Variants in RAD23B observed in about 807,000 individuals in gnomAD.
The protein encoded by RAD23B is RAD23 nucleotide excision repair protein B, also known as lysine-specific demethylase RAD23B.
In RAD23B, 5 loss-of-function variants were observed where a neutral mutation model predicts 49.1. The ratio of observed to expected loss-of-function variants is 0.10; its 90% CI spans 0.05 to 0.21. The LOEUF (loss-of-function observed/expected upper bound fraction) is 0.21, where lower values mean the gene tolerates loss of function less well. Among genes scored for constraint, RAD23B ranks in the 10% least tolerant of loss-of-function variants. The pLI is 1.00. For synonymous variants in RAD23B, 184 were observed against 165.4 expected, an observed-to-expected ratio of 1.11 and a Z score of -0.86; for missense variants, 356 against 486.7, an observed-to-expected ratio of 0.73 and a Z score of 2.53.
In RAD23B at chr9:107,306,411, A is replaced by T; in HGVS notation, c.261A>T (p.Thr87=). The T allele has an allele frequency of 6.2e-7, 1 of 1,614,174 alleles. No individual in the cohort carries two copies. The highest frequency in any genetic ancestry group is 8.5e-7 in the Non-Finnish European group (1 of 1,180,026). ...CAGTGTCCACACCAGCACCAGCTAC[A>T]ACTCAGCAGTCAGCTCCTGCCAGCA... is the stretch of plus-strand genomic sequence containing the variant. ...PKAVSTPAPA[T]TQQSAPASTT... Residue 87 remains threonine, a synonymous_variant, in exon 4 of 10, where the codon ACA becomes ACT. Coordinates refer to ENST00000358015, the MANE Select transcript of RAD23B (RefSeq NM_002874.5).
Position 107,316,109 on chromosome 9 carries a change from A to T in RAD23B, c.554-2643A>T, listed in dbSNP as rs146292517. On this transcript the variant is annotated intron_variant, in intron 5 of 9. Transcript: ENST00000358015. ...ACTGCAATCTCCGCCTCCGGGGTTC[A>T]AGCAATTCTCCTGCCTCAGCCTCCT... Among the ~76,000 whole-genome samples the T allele has an allele frequency of 5.8e-4, 88 of 151,920 alleles. No homozygotes were observed. The East Asian group carries it at 0.017, about 29-fold the overall frequency.
chr9:107,304,142 T>G (rs1826713534), intron 3 of RAD23B, among the ~76,000 whole-genome samples: 1 of 152,152 alleles, frequency 6.6e-6, no homozygotes, highest in Non-Finnish European at 1.5e-5. Flanking sequence ...AAAAAGCTAT[T>G]AAGATCAAAA....
chr9:107,329,733 G>C lies in RAD23B; in HGVS notation c.*77G>C, dbSNP rs1827273585. 6.2e-6 allele frequency: 6 copies of C among 970,108 alleles called. No homozygotes were observed. Among genetic ancestry groups the C allele is most frequent in the Non-Finnish European group, 9.7e-6 (6 of 617,650 alleles). The allele number at this position is 970,108 out of a possible 1,614,324, so 60.1% of individuals were successfully genotyped here. On this transcript the variant is annotated 3_prime_UTR_variant, in exon 10 of 10. Coordinates refer to ENST00000358015, the MANE Select transcript of RAD23B (RefSeq NM_002874.5). The stretch of plus-strand genomic sequence containing the variant: ...TTCACTGGATTGTCTGGGATGACTT[G>C]GGCTCATATCCACAATACTTGGTAT...
At position 107,283,409 on chromosome 9, in the gene RAD23B, T is replaced by G; in HGVS notation, c.-221T>G. 2.3e-6 allele frequency: 1 copy of G among 428,536 alleles called. No individual in the cohort carries two copies. Among genetic ancestry groups the G allele is most frequent in the Non-Finnish European group, 4.1e-6 (1 of 246,194 alleles). 26.5% of individuals were successfully genotyped at this position (428,536 alleles called of 1,614,324 possible). A position where few individuals can be genotyped will look rare whatever the true frequency, so the allele number is the denominator to read the frequency against. ...GCGTGAGGAAGCACGGCGGCCCGAGTTCGCGGGGAAGGCCGCAGTCGCGGA... is the reference window on the plus strand; with the variant it reads ...GCGTGAGGAAGCACGGCGGCCCGAGGTCGCGGGGAAGGCCGCAGTCGCGGA... On this transcript the variant is annotated 5_prime_UTR_variant, in exon 1 of 10. Coordinates refer to ENST00000358015, the MANE Select transcript of RAD23B (RefSeq NM_002874.5).
chr9:107,320,625 C>T (rs16912377), intron 6 of RAD23B, among the ~76,000 whole-genome samples: 8,349 of 152,038 alleles, frequency 0.055, 703 homozygotes, highest in African/African-American at 0.19. Context: ...TTAAGGTGAA[C>T]GGATGGAAAG....
At chr9:107,304,712 G>A (rs1386108119) in intron 3 of RAD23B, among the ~76,000 whole-genome samples, 1 of 152,146 alleles carries the variant, frequency 6.6e-6, no homozygotes, top group Non-Finnish European at 1.5e-5. Context: ...GGAAAGTTAT[G>A]AACTAAACAG....
chr9:107,298,452 C>T (rs1351840375), intron 1 of RAD23B, among the ~76,000 whole-genome samples: 1 of 140,650 alleles, frequency 7.1e-6, no homozygotes, highest in African/African-American at 2.7e-5. Flanking sequence ...GGATTACAGG[C>T]ATTTACCGCC....
chr9:107,303,684 T>G (rs1826704542), intron 3 of RAD23B, among the ~76,000 whole-genome samples: 1 of 152,220 alleles, frequency 6.6e-6, no homozygotes, highest in Non-Finnish European at 1.5e-5. Flanking sequence ...TCATTGAGGT[T>G]CATCTGTCTA....
intron 2 of RAD23B, among the ~76,000 whole-genome samples, chr9:107,301,205 T>C (rs868637124): frequency 6.6e-6 from 1 of 152,356 alleles, no homozygotes; most frequent in Middle Eastern, 3.4e-3. Flanking sequence ...TTGCCCTTTC[T>C]TGTGTATCAT....
At chr9:107,284,353 C>T (rs1305004012) in intron 1 of RAD23B, among the ~76,000 whole-genome samples, 2 of 152,090 alleles carry the variant, frequency 1.3e-5, no homozygotes, top group East Asian at 3.9e-4. Context: ...TAGAGCTCTT[C>T]ACAGCCATCC....
intron 4 of RAD23B, among the ~76,000 whole-genome samples, chr9:107,309,897 C>T (rs893740174): frequency 2.7e-4 from 38 of 139,526 alleles, no homozygotes; most frequent in African/African-American, 1.0e-3. Context: ...CGCCGCTGCA[C>T]TCCAGCCTGG....
chr9:107,305,735 A>AT (rs1826749208), intron 3 of RAD23B, among the ~76,000 whole-genome samples: 1 of 151,888 alleles, frequency 6.6e-6, no homozygotes, highest in South Asian at 2.1e-4. Flanking sequence ...CAATTTTGGG[A>AT]TTTTCCTCCC....
chr9:107,305,533 T>G (rs1002500394), intron 3 of RAD23B, among the ~76,000 whole-genome samples: 1 of 152,122 alleles, frequency 6.6e-6, no homozygotes, highest in African/African-American at 2.4e-5. Flanking sequence ...CCCAGTGCAG[T>G]TCAAACCCTT....
Position 107,283,545 on chromosome 9 carries a change from G to T in RAD23B, c.-85G>T. The T allele has an allele frequency of 9.4e-7, 1 of 1,063,336 alleles. No homozygotes were observed. The highest frequency in any genetic ancestry group is 3.3e-5 in the East Asian group (1 of 30,696). The allele number at this position is 1,063,336 out of a possible 1,614,324, so 65.9% of individuals were successfully genotyped here. A position where few individuals can be genotyped will look rare whatever the true frequency, so the allele number is the denominator to read the frequency against. On this transcript the variant is annotated 5_prime_UTR_variant, in exon 1 of 10. Coordinates refer to ENST00000358015, the MANE Select transcript of RAD23B (RefSeq NM_002874.5). ...TCCCCAGAGCGCGAGGAGCGCGGGCGACCCCGGGGCCCCGCCAGGCCACAG... is the reference window on the plus strand; with the variant it reads ...TCCCCAGAGCGCGAGGAGCGCGGGCTACCCCGGGGCCCCGCCAGGCCACAG...
intron 1 of RAD23B, among the ~76,000 whole-genome samples, chr9:107,293,630 A>T (rs1365481867): frequency 6.6e-6 from 1 of 152,214 alleles, no homozygotes; most frequent in African/African-American, 2.4e-5. Context: ...GGAATATGCA[A>T]TTGCTGACCT....
rs796381629 is a variant in RAD23B, at chr9:107,326,627, CT to C, written c.1116+1647del. Among the ~76,000 whole-genome samples the C allele has an allele frequency of 2.5e-4, 17 of 67,566 alleles. No individual in the cohort carries two copies. In the South Asian group the frequency reaches 2.6e-3, roughly 10 times the overall value. The allele number at this position is 67,566 out of a possible 152,430, so 44.3% of individuals were successfully genotyped here. On this transcript the variant is annotated intron_variant, in intron 9 of 9. Coordinates refer to ENST00000358015, the MANE Select transcript of RAD23B (RefSeq NM_002874.5). ...ACTTGTCTATTCAACTTTTGTATTTCTTTTTTTTTTTTTTTTTTTTTTTTGA... is the reference window on the plus strand; with the variant it reads ...ACTTGTCTATTCAACTTTTGTATTTCTTTTTTTTTTTTTTTTTTTTTTTGA...
Position 107,306,541 on chromosome 9 carries a change from G to A in RAD23B, c.391G>A (p.Ala131Thr). The A allele has an allele frequency of 6.2e-7, 1 of 1,614,086 alleles. No homozygotes were observed. Among genetic ancestry groups the A allele is most frequent in the Non-Finnish European group, 8.5e-7 (1 of 1,180,008 alleles). Residue 131 changes from alanine to threonine, a missense_variant, in exon 4 of 10, where the codon GCG (alanine) becomes ACG (threonine). Coordinates refer to ENST00000358015, the MANE Select transcript of RAD23B (RefSeq NM_002874.5). ...STPASITPAS[A>T]TASSEPAPAS... ...ACCTGCATCCATCACTCCAGCATCAGCGACAGCATCTTCTGAACCTGCACC... is the reference window on the plus strand; with the variant it reads ...ACCTGCATCCATCACTCCAGCATCAACGACAGCATCTTCTGAACCTGCACC...
chr9:107,321,867 C>T, intron 6 of RAD23B, 116 bp from the exon 7 acceptor site: 1 of 1,108,416 alleles, frequency 9.0e-7, no homozygotes, highest in Non-Finnish European at 1.2e-6. Flanking sequence ...AAGCAGACAT[C>T]TGTTTGATGC....
At chr9:107,320,741 G>A (rs1431201502) in intron 6 of RAD23B, among the ~76,000 whole-genome samples, 1 of 152,126 alleles carries the variant, frequency 6.6e-6, no homozygotes, top group Non-Finnish European at 1.5e-5. Context: ...AGAATTTGAT[G>A]GACGCCCTGG....
Sources: gnomAD v4.1 joint callset for allele counts (sites outside exome capture counted in the v4.1 genomes callset) on GRCh38, gnomAD v4.1.1 for gene constraint, MANE v1.5 for transcripts, NCBI Gene and HGNC (gene_info 2026-07-23, HGNC 2026-07-21) for gene names.